Variants in KIAA1217 observed in about 807,000 individuals in gnomAD.
KIAA1217 encodes the protein KIAA1217.
A neutral mutation model predicts 163.9 loss-of-function variants in KIAA1217; 88 were observed. The ratio of observed to expected loss-of-function variants is 0.54; its 90% confidence interval spans 0.45 to 0.64. The LOEUF (loss-of-function observed/expected upper bound fraction) is 0.64. KIAA1217 is among the 30% of genes least tolerant of loss of function. The pLI, the probability that KIAA1217 is intolerant of heterozygous loss-of-function variation, is 0.00. For synonymous variants in KIAA1217, 903 were observed against 923.1 expected (o/e 0.98, Z 0.39); for missense variants, 2,372 against 2,475.0 (o/e 0.96, Z 0.88).
At chr10:24,462,454 G>A (rs1237761783) in intron 5 of KIAA1217, among the ~76,000 whole-genome samples, 2 of 152,190 alleles carry the variant, frequency 1.3e-5, no homozygotes, top group South Asian at 2.1e-4. Context: ...GAGGAACATC[G>A]TTCTTTGCAG....
chr10:23,948,990 A>G (rs564390100), intron 1 of KIAA1217, among the ~76,000 whole-genome samples: 16 of 152,176 alleles, frequency 1.1e-4, no homozygotes, highest in Non-Finnish European at 2.1e-4. Context: ...AAAACTCACA[A>G]TTTGGTAGCA....
chr10:24,141,023 T>G, intron 2 of KIAA1217, among the ~76,000 whole-genome samples: 1 of 152,164 alleles, frequency 6.6e-6, no homozygotes, highest in East Asian at 1.9e-4. Context: ...AACAACTCTT[T>G]GAAGACTGAA....
At chr10:24,045,371 T>C (rs1362350140) in intron 2 of KIAA1217, among the ~76,000 whole-genome samples, 1 of 152,094 alleles carries the variant, frequency 6.6e-6, no homozygotes, top group African/African-American at 2.4e-5. Context: ...CTCTTTCAAT[T>C]TGAGGAATAA....
At chr10:23,847,693 C>T (rs116079059) in intron 1 of KIAA1217, among the ~76,000 whole-genome samples, 2,634 of 151,840 alleles carry the variant, frequency 0.017, 68 homozygotes, top group African/African-American at 0.059. Flanking sequence ...ATTTTTTGAA[C>T]GGTTGTTCAT....
intron 2 of KIAA1217, among the ~76,000 whole-genome samples, chr10:24,074,225 T>G (rs992285390): frequency 6.6e-6 from 1 of 152,130 alleles, no homozygotes; most frequent in Non-Finnish European, 1.5e-5. Flanking sequence ...GGCACATGCC[T>G]GTAATCCCAG....
intron 1 of KIAA1217, among the ~76,000 whole-genome samples, chr10:23,991,207 G>A (rs1846202824): frequency 6.6e-6 from 1 of 152,222 alleles, no homozygotes; most frequent in African/African-American, 2.4e-5. Context: ...ACAGCAAAAT[G>A]CAGCTCAGGC....
chr10:24,472,190 G>A (rs1261568043), intron 5 of KIAA1217, among the ~76,000 whole-genome samples: 1 of 152,210 alleles, frequency 6.6e-6, no homozygotes, highest in African/African-American at 2.4e-5. Flanking sequence ...GAAGGAGGAA[G>A]AGAAGGGCTT....
intron 1 of KIAA1217, among the ~76,000 whole-genome samples, chr10:24,003,888 A>G (rs1846867450): frequency 6.6e-6 from 1 of 152,232 alleles, no homozygotes; most frequent in Admixed American, 6.5e-5. Context: ...TTTGAAGTTC[A>G]TATTTACTAA....
At chr10:23,993,078 C>T (rs970944344) in intron 1 of KIAA1217, among the ~76,000 whole-genome samples, 1 of 135,982 alleles carries the variant, frequency 7.4e-6, no homozygotes, top group African/African-American at 2.8e-5. Flanking sequence ...GTTGCCCAGG[C>T]TTGAATGCAG....
intron 1 of KIAA1217, among the ~76,000 whole-genome samples, chr10:23,857,575 A>G (rs1839751466): frequency 6.6e-6 from 1 of 152,186 alleles, no homozygotes; most frequent in Admixed American, 6.5e-5. Context: ...TGACAGGTCC[A>G]TGTTAAAGGT....
intron 2 of KIAA1217, among the ~76,000 whole-genome samples, chr10:24,014,050 T>C (rs1847369628): frequency 2.0e-5 from 3 of 152,250 alleles, no homozygotes; most frequent in South Asian, 4.2e-4. Context: ...TGACAGGCAG[T>C]AGGTGAGATA....
intron 1 of KIAA1217, among the ~76,000 whole-genome samples, chr10:23,887,664 A>G (rs1205798075): frequency 6.6e-6 from 1 of 151,836 alleles, no homozygotes; most frequent in Non-Finnish European, 1.5e-5. Flanking sequence ...TTTCGTGACA[A>G]TCCAGATGTG....
At chr10:24,353,804 G>A (rs1490203543) in intron 2 of KIAA1217, among the ~76,000 whole-genome samples, 1 of 152,192 alleles carries the variant, frequency 6.6e-6, no homozygotes, top group Non-Finnish European at 1.5e-5. Context: ...TTAGAGGGAT[G>A]AGCATTACAC....
At position 23,695,015 on chromosome 10, in the gene KIAA1217, G is replaced by C; in HGVS notation, c.-540G>C. ...CCTGCGCAGCATCCCCGGGCTGCCA[G>C]AAGAGGCCACCACTCGGCTGGCAGC... On this transcript the variant is annotated 5_prime_UTR_variant, in exon 1 of 19. Coordinates refer to the KIAA1217 transcript ENST00000376462. The surrounding 1 kb of genome is among the most constrained non-coding windows in gnomAD (Gnocchi z 4.9). 1 of 152,214 alleles carries C rather than the reference G, an allele frequency of 6.6e-6. No individual in the cohort carries two copies. The highest frequency in any genetic ancestry group is 1.5e-5 in the Non-Finnish European group (1 of 68,058). The allele number at this position is 152,214 out of a possible 1,614,324, so 9.4% of individuals were successfully genotyped here. A position where few individuals can be genotyped will look rare whatever the true frequency, so the allele number is the denominator to read the frequency against.
At chr10:23,760,849 GA>G (rs377030322) in intron 1 of KIAA1217, among the ~76,000 whole-genome samples, 34 of 152,198 alleles carry the variant, frequency 2.2e-4, no homozygotes, top group East Asian at 2.1e-3. Context: ...ACCAGTCAGT[GA>G]AAAAAAGAAA....
At chr10:24,068,626 A>G (rs1476164766) in intron 2 of KIAA1217, among the ~76,000 whole-genome samples, 1 of 152,206 alleles carries the variant, frequency 6.6e-6, no homozygotes, top group Non-Finnish European at 1.5e-5. Context: ...GCATGACATC[A>G]ACCCAGCTAA....
At chr10:24,174,507 G>A (rs2065778384) in intron 2 of KIAA1217, among the ~76,000 whole-genome samples, 1 of 152,134 alleles carries the variant, frequency 6.6e-6, no homozygotes, top group African/African-American at 2.4e-5. Flanking sequence ...AAAGGCTTTG[G>A]GCTACCAAAA....
intron 2 of KIAA1217, among the ~76,000 whole-genome samples, chr10:24,166,579 A>C (rs551582650): frequency 6.6e-6 from 1 of 152,228 alleles, no homozygotes; most frequent in African/African-American, 2.4e-5. Flanking sequence ...CTCTACTAAA[A>C]ATACAACAAT....
At chr10:24,133,522 A>G (rs1048676017) in intron 2 of KIAA1217, among the ~76,000 whole-genome samples, 2 of 151,746 alleles carry the variant, frequency 1.3e-5, no homozygotes, top group Non-Finnish European at 2.9e-5. Flanking sequence ...CAGTGAGCCA[A>G]GACTGCACTA....
Sources: gnomAD v4.1 joint callset for allele counts (sites outside exome capture counted in the v4.1 genomes callset) on GRCh38, gnomAD v4.1.1 for gene constraint, Gnocchi (gnomAD v3.1) non-coding constraint, MANE v1.5 for transcripts, NCBI Gene and HGNC (gene_info 2026-07-23, HGNC 2026-07-21) for gene names.